Variants in ROBO2 observed in about 807,000 individuals in gnomAD.
The protein encoded by ROBO2 is roundabout homolog 2.
Under a neutral mutation model 160.8 loss-of-function variants are expected in ROBO2, and 53 were observed. The observed-to-expected ratio is 0.33, with a 90% CI of 0.26 to 0.41. ROBO2 has a LOEUF of 0.41. ROBO2 is among the 10% of genes least tolerant of loss of function. The pLI is 1.00. For missense variants in ROBO2, 1,577 were observed against 1,722.4 expected, an observed-to-expected ratio of 0.92 and a Z score of 1.49; for synonymous variants, 664 against 611.7, an observed-to-expected ratio of 1.09 and a Z score of -1.26.
intron 2 of ROBO2, among the ~76,000 whole-genome samples, chr3:76,295,433 G>A (rs776501660): frequency 4.6e-5 from 7 of 151,912 alleles, no homozygotes; most frequent in Non-Finnish European, 7.4e-5. Context: ...TGCAATTCTC[G>A]GAAGCAGGTA....
chr3:77,292,388 C>A (rs1473620766), intron 2 of ROBO2, among the ~76,000 whole-genome samples: 25 of 151,170 alleles, frequency 1.7e-4, no homozygotes, highest in African/African-American at 3.7e-4. Flanking sequence ...GCTAGATCAC[C>A]AAAGACATAA....
At chr3:75,925,775 A>G (rs1050570699) in intron 1 of ROBO2, among the ~76,000 whole-genome samples, 3 of 152,218 alleles carry the variant, frequency 2.0e-5, no homozygotes, top group Admixed American at 6.5e-5. Context: ...TGGTAGAAGC[A>G]GATGAAAAGT....
At position 76,862,578 on chromosome 3, in the gene ROBO2, G is replaced by A. The variant is rs570314952; in HGVS notation, c.110-235436G>A. Among the ~76,000 whole-genome samples the A allele has an allele frequency of 1.0e-3, 156 of 152,164 alleles. 1 individual carries two copies. The highest frequency in any genetic ancestry group is 3.3e-3 in the African/African-American group (138 of 41,544). ...GATAAACGGAAGGAATCCTACCAAG[G>A]CTGTGTGTTCAGATTCTCTCTGTGT... On this transcript the variant is annotated intron_variant, in intron 2 of 26. Transcript: ENST00000487694.
intron 23 of ROBO2, among the ~76,000 whole-genome samples, chr3:77,628,606 T>C (rs2095087718): frequency 6.6e-6 from 1 of 152,210 alleles, no homozygotes; most frequent in Non-Finnish European, 1.5e-5. Context: ...TTATATACTA[T>C]TTGATTCATG....
intron 2 of ROBO2, among the ~76,000 whole-genome samples, chr3:77,010,520 C>T (rs2061821565): frequency 6.6e-6 from 1 of 152,148 alleles, no homozygotes; most frequent in Non-Finnish European, 1.5e-5. Context: ...ATTCCAACCT[C>T]AGAGCTGATC....
intron 2 of ROBO2, among the ~76,000 whole-genome samples, chr3:75,960,890 T>A (rs1948887302): frequency 6.6e-6 from 1 of 151,756 alleles, no homozygotes; most frequent in African/African-American, 2.4e-5. Flanking sequence ...GAAATATGAA[T>A]ATGAAGGTAC....
intron 2 of ROBO2, among the ~76,000 whole-genome samples, chr3:76,906,758 A>G (rs2075632088): frequency 6.6e-6 from 1 of 152,098 alleles, no homozygotes; most frequent in African/African-American, 2.4e-5. Context: ...CACAGTCTCT[A>G]TTATTATAAT....
intron 16 of ROBO2, among the ~76,000 whole-genome samples, chr3:77,580,761 A>G (rs1467760336): frequency 2.6e-5 from 4 of 152,162 alleles, no homozygotes; most frequent in Admixed American, 2.6e-4. Context: ...GCTGAGCAGT[A>G]TTCAATTGTA....
At chr3:77,437,342 G>A (rs538558934) in intron 2 of ROBO2, among the ~76,000 whole-genome samples, 23 of 151,914 alleles carry the variant, frequency 1.5e-4, no homozygotes, top group African/African-American at 3.6e-4. Context: ...GTATTATATT[G>A]TCTTTCATCT....
intron 2 of ROBO2, among the ~76,000 whole-genome samples, chr3:76,931,039 ATC>A (rs1488883556): frequency 2.0e-5 from 3 of 152,134 alleles, no homozygotes; most frequent in Admixed American, 6.5e-5. Flanking sequence ...TGGAATTTTC[ATC>A]TCTGTTTTCA....
At chr3:76,102,577 C>G (rs1302371605) in intron 2 of ROBO2, among the ~76,000 whole-genome samples, 1 of 152,022 alleles carries the variant, frequency 6.6e-6, no homozygotes, top group Non-Finnish European at 1.5e-5. Context: ...ATAAAATGTT[C>G]TACAGTAAGG....
At chr3:76,790,379 T>C (rs2063281241) in intron 2 of ROBO2, among the ~76,000 whole-genome samples, 1 of 151,702 alleles carries the variant, frequency 6.6e-6, no homozygotes, top group Admixed American at 6.6e-5. Flanking sequence ...CTTAATGGTG[T>C]GGAACAATAC....
intron 2 of ROBO2, among the ~76,000 whole-genome samples, chr3:76,491,619 T>C (rs1370679798): frequency 6.6e-6 from 1 of 152,218 alleles, no homozygotes; most frequent in Non-Finnish European, 1.5e-5. Flanking sequence ...TGTTTAGGCA[T>C]TATTACATTG....
chr3:76,798,350 T>A (rs2063934590), intron 2 of ROBO2, among the ~76,000 whole-genome samples: 1 of 151,504 alleles, frequency 6.6e-6, no homozygotes, highest in Admixed American at 6.6e-5. Flanking sequence ...ATATTTATGT[T>A]GAGCATTTAT....
At chr3:77,529,439 T>C (rs1010099916) in intron 6 of ROBO2, among the ~76,000 whole-genome samples, 7 of 151,746 alleles carry the variant, frequency 4.6e-5, no homozygotes, top group Non-Finnish European at 1.0e-4. Context: ...TATAAGCTAA[T>C]GACTTTTCAA....
intron 20 of ROBO2, among the ~76,000 whole-genome samples, chr3:77,606,819 A>G (rs1011512020): frequency 6.6e-6 from 1 of 152,176 alleles, no homozygotes; most frequent in East Asian, 1.9e-4. Flanking sequence ...CGAAAGAATC[A>G]GTAAGATTTT....
At chr3:76,593,871 T>G (rs1287021210) in intron 2 of ROBO2, among the ~76,000 whole-genome samples, 1 of 152,000 alleles carries the variant, frequency 6.6e-6, no homozygotes, top group African/African-American at 2.4e-5. Flanking sequence ...GCTATTATAA[T>G]TTTTTAAATG....
intron 2 of ROBO2, among the ~76,000 whole-genome samples, chr3:77,265,791 C>T (rs973204482): frequency 3.3e-5 from 5 of 152,118 alleles, no homozygotes; most frequent in Admixed American, 2.6e-4. Context: ...AAGTACACAT[C>T]TGTTTCTCAT....
chr3:76,987,356 G>T (rs936263486), intron 2 of ROBO2, among the ~76,000 whole-genome samples: 1 of 152,124 alleles, frequency 6.6e-6, no homozygotes, highest in Non-Finnish European at 1.5e-5. Flanking sequence ...TGTAGTGGGG[G>T]GGAGGGAATC....
Sources: allele counts gnomAD v4.1 joint callset (sites outside exome capture counted in the v4.1 genomes callset), GRCh38; gene constraint gnomAD v4.1.1; transcripts MANE v1.5; gene names NCBI Gene and HGNC (gene_info 2026-07-23, HGNC 2026-07-21).